CLSTN1: variants seen among roughly 807,000 people sequenced by gnomAD.
CLSTN1 encodes calsyntenin 1.
Under a neutral mutation model 108.3 loss-of-function variants are expected in CLSTN1, and 28 were observed. That is an observed-to-expected ratio of 0.26 (90% CI 0.19 to 0.35). The LOEUF (loss-of-function observed/expected upper bound fraction) is 0.35. CLSTN1 is among the 10% of genes least tolerant of loss of function. The pLI is 1.00. For synonymous variants in CLSTN1, 524 were observed against 534.9 expected, an observed-to-expected ratio of 0.98 and a Z score of 0.28; for missense variants, 1,157 against 1,302.6, an observed-to-expected ratio of 0.89 and a Z score of 1.72.
intron 2 of CLSTN1, among the ~76,000 whole-genome samples, chr1:9,766,406 C>T (rs1652334476): frequency 6.6e-6 from 1 of 152,186 alleles, no homozygotes; most frequent in African/African-American, 2.4e-5. Context: ...CGCCTGTAAT[C>T]CCAGCACTTT....
chr1:9,731,686 C>A, intron 17 of CLSTN1, 75 bp downstream of exon 17: 1 of 1,445,578 alleles, frequency 6.9e-7, no homozygotes, highest in Non-Finnish European at 9.7e-7. Flanking sequence ...GAGCAGGAGG[C>A]TGTGCCCACG....
chr1:9,731,908 A>G lies in CLSTN1; in HGVS notation c.2428-12T>C. ...TGGATTACATTCACCTATAGCAGAG[A>G]AAGAGAGGATCGCTGGAGACAGGCA... On this transcript the variant is annotated splice_polypyrimidine_tract_variant and intron_variant, in intron 16 of 18. Coordinates refer to ENST00000377298, the MANE Select transcript of CLSTN1 (RefSeq NM_001009566.3). The G allele has an allele frequency of 6.2e-7, 1 of 1,614,024 alleles. No individual in the cohort carries two copies. The highest frequency in any genetic ancestry group is 1.6e-4 in the Middle Eastern group (1 of 6,062).
At chr1:9,745,558 G>A (rs1463541257) in intron 7 of CLSTN1, among the ~76,000 whole-genome samples, 1 of 151,606 alleles carries the variant, frequency 6.6e-6, no homozygotes, top group Non-Finnish European at 1.5e-5. Flanking sequence ...TTGGGAGGCT[G>A]AGATGGGAGG....
intron 17 of CLSTN1, 48 bp from the exon 18 acceptor site, chr1:9,731,438 G>A: frequency 1.3e-6 from 2 of 1,589,624 alleles, no homozygotes; most frequent in South Asian, 1.1e-5. Context: ...GGCCCAGAAG[G>A]CCACTGTGCC....
chr1:9,755,222 C>G lies in CLSTN1; in HGVS notation c.332G>C (p.Arg111Pro). Residue 111 changes from arginine to proline, a missense_variant, in exon 4 of 19, where the codon CGC (arginine) becomes CCC (proline). Arg to Pro is a moderately radical substitution (Grantham distance 103, BLOSUM62 -2). Transcript: ENST00000377298. ...VDKSTGEGVIRSKEKLDCELQ... is the reference protein window; with the variant it reads ...VDKSTGEGVIPSKEKLDCELQ... ...CTCACAGTCCAGTTTCTCTTTGGAG[C>G]GAATGACTCCCTCACCAGTGGATTT... 1 of 1,614,060 alleles carries G rather than the reference C, an allele frequency of 6.2e-7. No individual in the cohort carries two copies. Among genetic ancestry groups the G allele is most frequent in the Non-Finnish European group, 8.5e-7 (1 of 1,179,966 alleles).
intron 7 of CLSTN1, among the ~76,000 whole-genome samples, chr1:9,745,765 GTTTTT>G (rs778360021): frequency 4.0e-5 from 4 of 100,934 alleles, no homozygotes; most frequent in African/African-American, 1.3e-4. Flanking sequence ...CTGAATAGTT[GTTTTT>G]TTTTTTTTTT....
intron 2 of CLSTN1, among the ~76,000 whole-genome samples, chr1:9,770,090 A>G (rs919014064): frequency 1.1e-4 from 16 of 152,110 alleles, no homozygotes; most frequent in Admixed American, 6.6e-5. Context: ...AAGAAAAAAG[A>G]AAGAAAAAAT....
At chr1:9,777,458 G>A (rs2101176041) in intron 1 of CLSTN1, among the ~76,000 whole-genome samples, 1 of 151,650 alleles carries the variant, frequency 6.6e-6, no homozygotes, top group East Asian at 1.9e-4. Context: ...GGGAGGTAAA[G>A]GTTGCAGTGA....
chr1:9,779,855 C>CTTTTTT (rs770514487), intron 1 of CLSTN1, among the ~76,000 whole-genome samples: 1 of 146,618 alleles, frequency 6.8e-6, no homozygotes, highest in Non-Finnish European at 1.5e-5. Context: ...CTTTCACTTT[C>CTTTTTT]TTTTTTTTTT....
intron 2 of CLSTN1, among the ~76,000 whole-genome samples, chr1:9,765,707 C>A (rs1652294424): frequency 6.6e-6 from 1 of 152,020 alleles, no homozygotes; most frequent in Non-Finnish European, 1.5e-5. Flanking sequence ...AAGCGGAACC[C>A]TCCCTCTACT....
At chr1:9,799,029 A>G (rs1654135944) in intron 1 of CLSTN1, among the ~76,000 whole-genome samples, 1 of 151,920 alleles carries the variant, frequency 6.6e-6, no homozygotes, top group Non-Finnish European at 1.5e-5. Flanking sequence ...AAATCAAAAT[A>G]AATTAGCCAG....
upstream of CLSTN1, chr1:9,824,089 C>G (rs1429189384): frequency 1.4e-5 from 2 of 145,068 alleles, no homozygotes; most frequent in Non-Finnish European, 3.1e-5. This position sits in a 1 kb window ranked among gnomAD's most constrained non-coding sequence, Gnocchi z 5.0. Context: ...GCGCGCGGGC[C>G]CGGGAGGGGC....
intron 1 of CLSTN1, among the ~76,000 whole-genome samples, chr1:9,816,315 C>T (rs1056880146): frequency 5.9e-5 from 9 of 151,982 alleles, no homozygotes; most frequent in African/African-American, 2.2e-4. Flanking sequence ...AATCCATAGA[C>T]AGAAAATAGA....
chr1:9,752,337 G>A (rs1450914441), intron 4 of CLSTN1, among the ~76,000 whole-genome samples: 3 of 152,170 alleles, frequency 2.0e-5, no homozygotes, highest in African/African-American at 7.2e-5. Flanking sequence ...TAGGTTTCAA[G>A]GGCTAATGGT....
intron 16 of CLSTN1, among the ~76,000 whole-genome samples, chr1:9,732,928 C>T (rs1201108450): frequency 6.6e-6 from 1 of 152,200 alleles, no homozygotes; most frequent in Admixed American, 6.5e-5. Flanking sequence ...CAGTGGCTCA[C>T]GCCTGTAATC....
At chr1:9,796,617 G>A (rs575785994) in intron 1 of CLSTN1, among the ~76,000 whole-genome samples, 7 of 151,664 alleles carry the variant, frequency 4.6e-5, no homozygotes, top group Non-Finnish European at 1.0e-4. Context: ...CTGAGAGGCG[G>A]AGCTTGCAGT....
chr1:9,783,014 AAAAG>A (rs1653321841), intron 1 of CLSTN1, among the ~76,000 whole-genome samples: 1 of 152,124 alleles, frequency 6.6e-6, no homozygotes, highest in African/African-American at 2.4e-5. Flanking sequence ...CTCAAAAAGA[AAAAG>A]AGAGAGAGAG....
At chr1:9,781,912 G>T (rs1653270028) in intron 1 of CLSTN1, among the ~76,000 whole-genome samples, 1 of 152,142 alleles carries the variant, frequency 6.6e-6, no homozygotes, top group Non-Finnish European at 1.5e-5. Context: ...GTTGTGACTT[G>T]TTGACATTTC....
In CLSTN1 at chr1:9,744,533, T is replaced by C. The variant is rs1257674369; in HGVS notation, c.1096A>G (p.Asn366Asp). ...GHDSDQVFEF[N>D]GTQAVRIPDG... ...GGGATCCTCACTGCCTGGGTGCCGT[T>C]GAACTCAAACACCTGGTCGCTGTCG... Residue 366 changes from asparagine to aspartate, a missense_variant, in exon 8 of 19, where the codon AAC becomes GAC. Transcript: ENST00000377298. 1 of 1,612,934 alleles carries C rather than the reference T, an allele frequency of 6.2e-7. No individual in the cohort carries two copies. The highest frequency in any genetic ancestry group is 1.1e-5 in the South Asian group (1 of 91,036).
Sources: gnomAD v4.1 joint callset for allele counts (sites outside exome capture counted in the v4.1 genomes callset) on GRCh38, gnomAD v4.1.1 for gene constraint, Gnocchi (gnomAD v3.1) non-coding constraint, MANE v1.5 for transcripts, NCBI Gene and HGNC (gene_info 2026-07-23, HGNC 2026-07-21) for gene names.